The following TEX36 variants were observed in gnomAD, a reference collection of about 807,000 sequenced individuals.
The protein encoded by TEX36 is testis expressed 36.
Under a neutral mutation model 13.6 loss-of-function variants are expected in TEX36, and 12 were observed. That is an observed-to-expected ratio of 0.88 (90% CI 0.56 to 1.43). The LOEUF (loss-of-function observed/expected upper bound fraction) is 1.43, where lower values mean the gene tolerates loss of function less well. TEX36 is among the 40% of genes most tolerant of loss of function. The pLI, the probability that TEX36 is intolerant of heterozygous loss-of-function variation, is 0.00. For synonymous variants in TEX36, 93 were observed against 83.0 expected (o/e 1.12, Z -0.65); for missense variants, 224 against 228.3 (o/e 0.98, Z 0.12).
Position 125,656,828 on chromosome 10 carries a change from G to C in TEX36, c.265-632C>G, listed in dbSNP as rs376639148. On this transcript the variant is annotated intron_variant, in intron 3 of 3. Transcript: ENST00000368821. Reference sequence around the variant, plus strand: ...AGCCAGCCTCAACCCTAGGGACCCAGGTAGGTTCCCTTCACTCCCAACACC... The same window carrying C: ...AGCCAGCCTCAACCCTAGGGACCCACGTAGGTTCCCTTCACTCCCAACACC... 2.6e-5 allele frequency among the ~76,000 whole-genome samples: 4 copies of C among 152,114 alleles called. No homozygotes were observed. In the East Asian group the frequency reaches 7.8e-4, roughly 30 times the overall value.
chr10:125,610,318 T>A (rs1846274099), intron 3 of TEX36, among the ~76,000 whole-genome samples: 2 of 152,168 alleles, frequency 1.3e-5, no homozygotes, highest in Admixed American at 1.3e-4. Flanking sequence ...ACTCTTCAAT[T>A]CCTTCCTGCA....
downstream of TEX36, among the ~76,000 whole-genome samples, chr10:125,654,586 A>T (rs923034864): frequency 6.6e-6 from 1 of 152,206 alleles, no homozygotes; most frequent in African/African-American, 2.4e-5. Flanking sequence ...ATGTACAGAA[A>T]AAAATTCAAG....
At chr10:125,638,257 T>A (rs1054897496) in intron 3 of TEX36, among the ~76,000 whole-genome samples, 11 of 143,896 alleles carry the variant, frequency 7.6e-5, no homozygotes, top group African/African-American at 2.5e-4. Flanking sequence ...TCCTTCCCCA[T>A]CCTCAGGCAG....
At chr10:125,655,169 G>A (rs1295915792), downstream of TEX36, among the ~76,000 whole-genome samples, 1 of 152,184 alleles carries the variant, frequency 6.6e-6, no homozygotes, top group African/African-American at 2.4e-5. Flanking sequence ...AGAAGGCCAG[G>A]CGCGGTGGCT....
chr10:125,607,778 C>CT (rs1158488755), intron 3 of TEX36, among the ~76,000 whole-genome samples: 1 of 151,996 alleles, frequency 6.6e-6, no homozygotes, highest in East Asian at 1.9e-4. Context: ...TAAATATTTA[C>CT]TGGGTAAGCA....
chr10:125,636,465 C>T (rs372847411), intron 3 of TEX36, among the ~76,000 whole-genome samples: 4 of 151,914 alleles, frequency 2.6e-5, no homozygotes, highest in African/African-American at 4.8e-5. Flanking sequence ...CCACCTGCCT[C>T]GGCCTCCCAA....
In TEX36 at chr10:125,678,913, G is replaced by A. The variant is rs151040494; in HGVS notation, c.51+4026C>T. Among the ~76,000 whole-genome samples, 329 of 152,294 alleles carry A rather than the reference G, an allele frequency of 2.2e-3. 1 individual carries two copies. The highest frequency in any genetic ancestry group is 4.8e-3 in the South Asian group (23 of 4,824). On this transcript the variant is annotated intron_variant, in intron 1 of 3. Transcript: ENST00000368821. ...AATATGACAGCAGGCACCAGCCATC[G>A]TGAGCAGGAGCAGGCCCCAGGTGGA... is the stretch of plus-strand genomic sequence containing the variant.
downstream of TEX36, among the ~76,000 whole-genome samples, chr10:125,620,432 T>C (rs1488801361): frequency 6.6e-6 from 1 of 152,120 alleles, no homozygotes; most frequent in Admixed American, 6.5e-5. Flanking sequence ...CATTCCTTCT[T>C]CCCTTTCTCT....
intron 3 of TEX36, among the ~76,000 whole-genome samples, chr10:125,601,487 T>C (rs940858155): frequency 2.0e-5 from 3 of 152,278 alleles, no homozygotes; most frequent in African/African-American, 7.2e-5. Context: ...CAAGAATTTG[T>C]AATTGCTCAT....
At chr10:125,655,613 T>C, downstream of TEX36, 1 of 1,048,828 alleles carries the variant, frequency 9.5e-7, no homozygotes, top group Non-Finnish European at 1.2e-6. Context: ...GGAGGACTTT[T>C]GTTTCCTCTG....
intron 3 of TEX36, 79 bp downstream of exon 3, chr10:125,660,942 T>C: frequency 2.4e-6 from 3 of 1,274,062 alleles, no homozygotes; most frequent in Non-Finnish European, 3.4e-6. Context: ...GCCAATCCTC[T>C]ATCTTCAACA....
chr10:125,652,381 T>G (rs964591574), downstream of TEX36, among the ~76,000 whole-genome samples: 1 of 152,128 alleles, frequency 6.6e-6, no homozygotes, highest in Non-Finnish European at 1.5e-5. Flanking sequence ...AAACAAGAAA[T>G]GGGAAAAGGA....
intron 3 of TEX36, among the ~76,000 whole-genome samples, chr10:125,659,758 A>G (rs964668727): frequency 6.6e-6 from 1 of 152,154 alleles, no homozygotes; most frequent in Admixed American, 6.5e-5. Context: ...AGCCTGTAGG[A>G]TTGTTGTGAG....
intron 3 of TEX36, among the ~76,000 whole-genome samples, chr10:125,633,285 A>C (rs1589763843): frequency 6.6e-6 from 1 of 152,350 alleles, no homozygotes; most frequent in East Asian, 1.9e-4. Context: ...GCAACTTTGG[A>C]AATCCGTAGG....
At chr10:125,649,178 A>G (rs1224837322) in intron 3 of TEX36, among the ~76,000 whole-genome samples, 1 of 152,220 alleles carries the variant, frequency 6.6e-6, no homozygotes, top group Non-Finnish European at 1.5e-5. Context: ...CTCCTCGAGA[A>G]GTGCAACTCC....
chr10:125,609,928 G>C (rs1361667394), intron 3 of TEX36, among the ~76,000 whole-genome samples: 6 of 152,250 alleles, frequency 3.9e-5, no homozygotes, highest in East Asian at 1.9e-4. Flanking sequence ...ACAGGACGCA[G>C]TCAAGAGGCT....
At position 125,659,403 on chromosome 10, in the gene TEX36, T is replaced by C. The variant is rs1001134445; in HGVS notation, c.264+1618A>G. ...CTCTCAAATTTTACCCACAAAACCA[T>C]TACTAGCAGTGAATCGTCAAGGTCA... On this transcript the variant is annotated intron_variant, in intron 3 of 3. Transcript: ENST00000368821. Among the ~76,000 whole-genome samples the C allele has an allele frequency of 8.2e-4, 125 of 152,164 alleles. 1 individual carries two copies. The highest frequency in any genetic ancestry group is 2.5e-4 in the Non-Finnish European group (17 of 68,024).
intron 3 of TEX36, among the ~76,000 whole-genome samples, chr10:125,645,820 A>G (rs902955610): frequency 2.0e-5 from 3 of 152,168 alleles, no homozygotes; most frequent in Non-Finnish European, 4.4e-5. Context: ...AAATATGTAA[A>G]AGGGAGATTG....
chr10:125,667,211 C>T (rs555935517), intron 1 of TEX36: 17 of 639,094 alleles, frequency 2.7e-5, no homozygotes, highest in South Asian at 8.5e-5. Context: ...GCAATCTCCT[C>T]GTGAGAAAAC....
Sources: allele counts gnomAD v4.1 joint callset (sites outside exome capture counted in the v4.1 genomes callset), GRCh38; gene constraint gnomAD v4.1.1; transcripts MANE v1.5; gene names NCBI Gene and HGNC (gene_info 2026-07-23, HGNC 2026-07-21).